Variants in INTU observed in about 807,000 individuals in gnomAD.
INTU encodes the protein protein inturned.
A neutral mutation model predicts 100.5 loss-of-function variants in INTU; 68 were observed. The observed-to-expected ratio is 0.68, with a 90% CI of 0.56 to 0.83. INTU has a LOEUF of 0.83. Among genes scored for constraint, INTU ranks in the 40% least tolerant of loss-of-function variants. The pLI, the probability that INTU is intolerant of heterozygous loss-of-function variation, is 0.00. For missense variants in INTU, 1,071 were observed against 1,114.7 expected, an observed-to-expected ratio of 0.96 and a Z score of 0.56; for synonymous variants, 357 against 395.7, an observed-to-expected ratio of 0.90 and a Z score of 1.16.
Position 127,633,133 on chromosome 4 carries a change from T to G in INTU, c.99T>G (p.Asp33Glu). Residue 33 changes from aspartate to glutamate, a missense_variant, in exon 1 of 16, where the codon GAT (aspartate) becomes GAG (glutamate). Physicochemically the swap from Asp to Glu is conservative, Grantham distance 45. Coordinates refer to ENST00000335251, the MANE Select transcript of INTU (RefSeq NM_015693.4). Reference protein sequence around the residue: ...QEEDEDYDFEDRVSDSGSYSS... With the variant: ...QEEDEDYDFEERVSDSGSYSS... ...AAGATGAGGACTATGATTTTGAAGA[T>G]CGGGTCAGCGACTCGGGTTCATATT... 1 of 1,614,028 alleles carries G rather than the reference T, an allele frequency of 6.2e-7. No homozygotes were observed. The highest frequency in any genetic ancestry group is 1.1e-5 in the South Asian group (1 of 91,070).
intron 7 of INTU, 86 bp from the exon 8 acceptor site, chr4:127,687,592 G>A (rs555192201): frequency 1.0e-6 from 1 of 991,160 alleles, no homozygotes; most frequent in Middle Eastern, 2.2e-4. Context: ...CTATGTAGTT[G>A]GGAAAGATCC....
intron 2 of INTU, among the ~76,000 whole-genome samples, chr4:127,648,413 A>G (rs745535092): frequency 6.6e-6 from 1 of 152,292 alleles, no homozygotes; most frequent in East Asian, 1.9e-4. Flanking sequence ...GGTATACTAC[A>G]CTTGCTTTCA....
rs750346093 is a variant in INTU, at chr4:127,713,929, T to C, written c.2560-7T>C. The C allele has an allele frequency of 5.7e-6, 9 of 1,581,692 alleles. No homozygotes were observed. In the South Asian group the frequency reaches 5.7e-5, roughly 10 times the overall value. On this transcript the variant is annotated splice_region_variant and splice_polypyrimidine_tract_variant and intron_variant, in intron 14 of 15. Transcript: ENST00000335251. Reference sequence around the variant, plus strand: ...AGTTAATACTAACAATACCTATTAATTTACAGAAAAAGAAAGGACTAAATA... The same window carrying C: ...AGTTAATACTAACAATACCTATTAACTTACAGAAAAAGAAAGGACTAAATA...
chr4:127,697,445 C>T (rs1371123641), intron 8 of INTU, among the ~76,000 whole-genome samples: 1 of 150,718 alleles, frequency 6.6e-6, no homozygotes, highest in African/African-American at 2.5e-5. Context: ...CCAACATTTC[C>T]TCATTTACCC....
At chr4:127,652,354 G>C (rs556684616) in intron 2 of INTU, among the ~76,000 whole-genome samples, 18 of 151,090 alleles carry the variant, frequency 1.2e-4, no homozygotes, top group Admixed American at 5.9e-4. Context: ...TTGGCTGTGG[G>C]TTTTGTCATA....
intron 1 of INTU, among the ~76,000 whole-genome samples, chr4:127,635,927 T>A (rs1261069381): frequency 6.6e-6 from 1 of 152,196 alleles, no homozygotes; most frequent in Non-Finnish European, 1.5e-5. Flanking sequence ...CCTTCTTTTA[T>A]TCAGCATAAT....
At chr4:127,692,250 A>T (rs2391204) in intron 8 of INTU, among the ~76,000 whole-genome samples, 4,486 of 151,242 alleles carry the variant, frequency 0.03, 96 homozygotes, top group Non-Finnish European at 0.048. Context: ...CCCCATCCAC[A>T]CCAACATCTA....
Position 127,687,725 on chromosome 4 carries a change from A to G in INTU, c.1307A>G (p.Asn436Ser), listed in dbSNP as rs1578604220. ...ENVPRLDHFFNLFFQRALQPA... is the reference protein window; with the variant it reads ...ENVPRLDHFFSLFFQRALQPA... ...GTTCCTCGTTTGGATCATTTTTTTA[A>G]CTTGTTCTTTCAAAGAGCACTTCAG... is the stretch of plus-strand genomic sequence containing the variant. The change falls in exon 8 of 16, where the codon AAC (asparagine) becomes AGC (serine). Residue 436 changes from asparagine (N) to serine (S), a missense_variant. Transcript: ENST00000335251. 2 of 1,613,066 alleles carry G rather than the reference A, an allele frequency of 1.2e-6. No individual in the cohort carries two copies. Among genetic ancestry groups the G allele is most frequent in the East Asian group, 2.2e-5 (1 of 44,854 alleles).
intron 10 of INTU, among the ~76,000 whole-genome samples, chr4:127,704,820 G>T (rs986308294): frequency 6.8e-6 from 1 of 147,372 alleles, no homozygotes; most frequent in Non-Finnish European, 1.5e-5. Flanking sequence ...GGGCATGGTG[G>T]CTCACACCTG....
At chr4:127,707,037 G>A in intron 12 of INTU, 68 bp downstream of exon 12, 7 of 1,506,788 alleles carry the variant, frequency 4.6e-6, no homozygotes, top group Non-Finnish European at 6.2e-6. Flanking sequence ...TTTTATAATT[G>A]CAAGACATTT....
intron 6 of INTU, among the ~76,000 whole-genome samples, chr4:127,681,362 G>C (rs1324982597): frequency 6.6e-6 from 1 of 152,266 alleles, no homozygotes; most frequent in African/African-American, 2.4e-5. Context: ...ATACTACAAG[G>C]CTACAGTAAC....
At chr4:127,685,383 A>G (rs559561015) in intron 7 of INTU, 14 of 451,126 alleles carry the variant, frequency 3.1e-5, no homozygotes, top group Non-Finnish European at 4.9e-5. Context: ...TTTCCAAACC[A>G]TAGTGATATC....
chr4:127,719,272 G>A lies in INTU; in HGVS notation c.*2836G>A, dbSNP rs138210620. 2,549 of 152,310 alleles carry A rather than the reference G, an allele frequency of 0.017. 31 individuals carry two copies. The highest frequency in any genetic ancestry group is 0.028 in the Non-Finnish European group (1,880 of 68,034). The allele number at this position is 152,310 out of a possible 1,614,324, so 9.4% of individuals were successfully genotyped here. On this transcript the variant is annotated 3_prime_UTR_variant, in exon 16 of 16. Coordinates refer to ENST00000335251, the MANE Select transcript of INTU (RefSeq NM_015693.4). ...TCTTTGTCTTTAGTTCTGTTTGTGT[G>A]ATGAATTAAGTTTATTGATTTGCAT...
chr4:127,670,633 A>C (rs941622549), intron 5 of INTU, among the ~76,000 whole-genome samples: 2 of 152,070 alleles, frequency 1.3e-5, no homozygotes, highest in African/African-American at 4.8e-5. Context: ...GGAACCAAAA[A>C]AGAGCCTGAA....
At chr4:127,644,360 A>G (rs1727475331) in intron 2 of INTU, among the ~76,000 whole-genome samples, 1 of 152,238 alleles carries the variant, frequency 6.6e-6, no homozygotes. Flanking sequence ...CTGACAAGAA[A>G]AAAAACGTTG....
chr4:127,640,623 G>A (rs1311629881), intron 1 of INTU, among the ~76,000 whole-genome samples: 3 of 124,804 alleles, frequency 2.4e-5, no homozygotes, highest in Non-Finnish European at 3.2e-5. Context: ...GTATATTGAT[G>A]GTTCCTATAA....
intron 2 of INTU, among the ~76,000 whole-genome samples, chr4:127,650,689 A>G (rs1164461988): frequency 1.3e-5 from 2 of 151,676 alleles, no homozygotes; most frequent in African/African-American, 2.4e-5. Flanking sequence ...ATACGTGTGC[A>G]TGTGTCTTTA....
chr4:127,683,910 T>C (rs1216538500), intron 6 of INTU: 1 of 152,286 alleles, frequency 6.6e-6, no homozygotes, highest in East Asian at 1.9e-4. Context: ...TGTAAGTCCA[T>C]TTCTTTATTT....
chr4:127,691,962 G>GTGTATATATATATATATATATATTTA, intron 8 of INTU, among the ~76,000 whole-genome samples: 1 of 98,230 alleles, frequency 1.0e-5, no homozygotes. Context: ...TCCATGGTAT[G>GTGTATATATATATATATATATATTTA]TATATATATA....
Sources: gnomAD v4.1 joint callset for allele counts (sites outside exome capture counted in the v4.1 genomes callset) on GRCh38, gnomAD v4.1.1 for gene constraint, MANE v1.5 for transcripts, NCBI Gene and HGNC (gene_info 2026-07-23, HGNC 2026-07-21) for gene names.